Variants in NXPH2 observed in about 807,000 individuals in gnomAD.
NXPH2 encodes neurexophilin-2.
A neutral mutation model predicts 19.8 loss-of-function variants in NXPH2; 5 were observed. The ratio of observed to expected loss-of-function variants is 0.25; its 90% confidence interval spans 0.13 to 0.53. The LOEUF (loss-of-function observed/expected upper bound fraction) is 0.53. Among genes scored for constraint, NXPH2 ranks in the 20% least tolerant of loss-of-function variants. The probability of loss-of-function intolerance (pLI) is 0.96; values close to 1 mark genes in which losing one functional copy is unlikely to be tolerated. For missense variants in NXPH2, 289 were observed against 322.8 expected, an observed-to-expected ratio of 0.90 and a Z score of 0.80; for synonymous variants, 154 against 127.4, an observed-to-expected ratio of 1.21 and a Z score of -1.41.
intron 1 of NXPH2, among the ~76,000 whole-genome samples, chr2:138,712,433 G>C (rs192670978): frequency 5.5e-4 from 84 of 152,230 alleles, no homozygotes; most frequent in African/African-American, 1.9e-3. Flanking sequence ...TCGGAGTTCT[G>C]TCCTCTCTGG....
intron 1 of NXPH2, among the ~76,000 whole-genome samples, chr2:138,716,451 A>T (rs1187253239): frequency 6.6e-6 from 1 of 152,038 alleles, no homozygotes; most frequent in Non-Finnish European, 1.5e-5. Flanking sequence ...CAGGAAGAAT[A>T]CTCTCACCAT....
intron 1 of NXPH2, among the ~76,000 whole-genome samples, chr2:138,688,888 T>A (rs1418151407): frequency 6.6e-6 from 1 of 152,214 alleles, no homozygotes; most frequent in East Asian, 1.9e-4. Flanking sequence ...AACTGGTTTG[T>A]GTCCTTTCAC....
intron 1 of NXPH2, among the ~76,000 whole-genome samples, chr2:138,684,411 T>C (rs1327837625): frequency 2.0e-5 from 3 of 152,104 alleles, no homozygotes; most frequent in South Asian, 2.1e-4. Context: ...TTCTAGAAAA[T>C]GAAACTAAGA....
intron 1 of NXPH2, 35 bp from the exon 2 acceptor site, chr2:138,671,700 G>A: frequency 2.6e-6 from 4 of 1,514,314 alleles, no homozygotes; most frequent in Non-Finnish European, 3.5e-6. Flanking sequence ...TAAACTTTAG[G>A]TTAGTGCCGT....
chr2:138,768,347 C>T (rs553688352), intron 1 of NXPH2, among the ~76,000 whole-genome samples: 10 of 152,128 alleles, frequency 6.6e-5, no homozygotes, highest in Non-Finnish European at 1.2e-4. Flanking sequence ...GTCTCTTTCT[C>T]TAATAGAGCT....
At chr2:138,774,670 T>A (rs917740909) in intron 1 of NXPH2, among the ~76,000 whole-genome samples, 6 of 152,184 alleles carry the variant, frequency 3.9e-5, no homozygotes, top group African/African-American at 1.4e-4. Flanking sequence ...CAGGTGCACA[T>A]GTGCACACAT....
At chr2:138,746,359 G>A (rs1054120121) in intron 1 of NXPH2, among the ~76,000 whole-genome samples, 1 of 152,202 alleles carries the variant, frequency 6.6e-6, no homozygotes, top group Non-Finnish European at 1.5e-5. Flanking sequence ...AGTTCACTTT[G>A]CCTCCAGGCA....
intron 1 of NXPH2, among the ~76,000 whole-genome samples, chr2:138,673,017 GA>G (rs1382864713): frequency 4.6e-5 from 7 of 152,146 alleles, no homozygotes; most frequent in Non-Finnish European, 7.3e-5. Flanking sequence ...AGAATTCAAG[GA>G]CTCAAAATGT....
chr2:138,752,339 C>A (rs547913318), intron 1 of NXPH2, among the ~76,000 whole-genome samples: 2 of 152,074 alleles, frequency 1.3e-5, no homozygotes, highest in African/African-American at 4.8e-5. Flanking sequence ...AAATTAACAA[C>A]GGAGAATTCA....
intron 1 of NXPH2, among the ~76,000 whole-genome samples, chr2:138,778,915 C>G (rs536626050): frequency 6.6e-6 from 1 of 152,146 alleles, no homozygotes; most frequent in Admixed American, 6.5e-5. Context: ...TCTGAGTTAA[C>G]GCTGTGCAGG....
rs1558909337 is a variant in NXPH2, at chr2:138,670,777, CT to C, written c.*144del. ...TTCACACTTAAAGATGTCTCTTTTT[CT>C]TTTTTTAAATTTGAAAACCTGATAG... On this transcript the variant is annotated 3_prime_UTR_variant, in exon 2 of 2. Transcript: ENST00000272641. 1.2e-6 allele frequency: 1 copy of C among 832,020 alleles called. No individual in the cohort carries two copies. Among genetic ancestry groups the C allele is most frequent in the Non-Finnish European group, 1.7e-6 (1 of 572,954 alleles). The allele number at this position is 832,020 out of a possible 1,614,324, so 51.5% of individuals were successfully genotyped here.
At chr2:138,730,663 G>A (rs773823006) in intron 1 of NXPH2, among the ~76,000 whole-genome samples, 7 of 152,160 alleles carry the variant, frequency 4.6e-5, no homozygotes, top group Non-Finnish European at 1.0e-4. Flanking sequence ...ACAAGAGTCA[G>A]ACATGATCAA....
At chr2:138,728,096 C>T (rs560081591) in intron 1 of NXPH2, among the ~76,000 whole-genome samples, 1 of 151,976 alleles carries the variant, frequency 6.6e-6, no homozygotes, top group South Asian at 2.1e-4. Flanking sequence ...AAGACAGAGC[C>T]CTTAAGGAAA....
intron 1 of NXPH2, among the ~76,000 whole-genome samples, chr2:138,763,363 A>AT (rs1445588198): frequency 3.3e-5 from 5 of 152,280 alleles, no homozygotes; most frequent in African/African-American, 4.8e-5. Context: ...TAGAAATAAT[A>AT]TTTTTCCTAT....
chr2:138,769,563 G>A (rs1682143112), intron 1 of NXPH2, among the ~76,000 whole-genome samples: 1 of 152,214 alleles, frequency 6.6e-6, no homozygotes, highest in African/African-American at 2.4e-5. Flanking sequence ...AGTCAAGCAT[G>A]CTGAGCAGGC....
intron 1 of NXPH2, among the ~76,000 whole-genome samples, chr2:138,735,751 C>T (rs1166616528): frequency 6.6e-6 from 1 of 152,174 alleles, no homozygotes; most frequent in East Asian, 1.9e-4. Flanking sequence ...TCATCCAAGA[C>T]AAAGCAAGTC....
In NXPH2 at chr2:138,780,132, G is replaced by T. The variant is rs570624464; in HGVS notation, c.51+59C>A. On this transcript the variant is annotated intron_variant, in intron 1 of 1. Transcript: ENST00000272641. ...TGGGCTCCAAGTCAGCCGCCTGCGC[G>T]GTTTTCCCGCCGAAACGCGTCCCCG... is the stretch of plus-strand genomic sequence containing the variant. 86 of 1,449,564 alleles carry T rather than the reference G, an allele frequency of 5.9e-5. No individual in the cohort carries two copies. In the African/African-American group the frequency reaches 1.1e-3, roughly 18 times the overall value. The allele number at this position is 1,449,564 out of a possible 1,614,324, so 89.8% of individuals were successfully genotyped here. A position where few individuals can be genotyped will look rare whatever the true frequency, so the allele number is the denominator to read the frequency against.
rs1681411402 is a variant in NXPH2, at chr2:138,729,463, C to G, written c.51+50728G>C. Among the ~76,000 whole-genome samples the G allele has an allele frequency of 2.0e-5, 3 of 152,138 alleles. No individual in the cohort carries two copies. In the South Asian group the frequency reaches 6.2e-4, roughly 31 times the overall value. ...ACTGTGAGGCAATTAAACCTCTTTC[C>G]TTTATAAATTACCCAGTCTTGGGTA... On this transcript the variant is annotated intron_variant, in intron 1 of 1. Coordinates refer to ENST00000272641, the MANE Select transcript of NXPH2 (RefSeq NM_007226.3).
intron 1 of NXPH2, among the ~76,000 whole-genome samples, chr2:138,760,256 G>A (rs1313692654): frequency 6.6e-6 from 1 of 152,088 alleles, no homozygotes; most frequent in African/African-American, 2.4e-5. Context: ...AACTACTAAT[G>A]AGCAATAAGA....
Sources: allele counts gnomAD v4.1 joint callset (sites outside exome capture counted in the v4.1 genomes callset), GRCh38; gene constraint gnomAD v4.1.1; transcripts MANE v1.5; gene names NCBI Gene and HGNC (gene_info 2026-07-23, HGNC 2026-07-21).